The following AKAP6 variants were observed in gnomAD, a reference collection of about 807,000 sequenced individuals.
AKAP6 encodes A-kinase anchor protein 6.
Under a neutral mutation model 188.5 loss-of-function variants are expected in AKAP6, and 58 were observed. The observed-to-expected ratio is 0.31, with a 90% CI of 0.25 to 0.38. AKAP6 has a LOEUF of 0.38. Ranked by LOEUF, AKAP6 falls within the 10% of genes least tolerant of loss-of-function variation. AKAP6 has a pLI of 1.00. For synonymous variants in AKAP6, 989 were observed against 998.6 expected (o/e 0.99, Z 0.18); for missense variants, 2,710 against 2,740.0 (o/e 0.99, Z 0.24).
At chr14:32,812,227 G>T (rs1369353265) in intron 12 of AKAP6, among the ~76,000 whole-genome samples, 1 of 152,158 alleles carries the variant, frequency 6.6e-6, no homozygotes, top group Non-Finnish European at 1.5e-5. Context: ...TTACCATGTG[G>T]TAGAATGAAG....
chr14:32,820,113 C>T (rs1007169299), intron 12 of AKAP6, among the ~76,000 whole-genome samples: 3 of 152,054 alleles, frequency 2.0e-5, no homozygotes, highest in African/African-American at 7.2e-5. Flanking sequence ...GGTTATTAAG[C>T]AGCTTGTCCA....
chr14:32,661,702 A>G (rs1368490468), intron 7 of AKAP6, among the ~76,000 whole-genome samples: 3 of 152,102 alleles, frequency 2.0e-5, no homozygotes, highest in Non-Finnish European at 4.4e-5. Context: ...GGTTAGAGGC[A>G]ATACCTAGGA....
chr14:32,789,998 C>T (rs1286344159), intron 12 of AKAP6, among the ~76,000 whole-genome samples: 1 of 152,108 alleles, frequency 6.6e-6, no homozygotes, highest in Admixed American at 6.5e-5. Context: ...GAGCTGAAAG[C>T]CAGAATAGCC....
At chr14:32,621,164 T>G (rs1343370950) in intron 7 of AKAP6, among the ~76,000 whole-genome samples, 1 of 152,082 alleles carries the variant, frequency 6.6e-6, no homozygotes, top group Non-Finnish European at 1.5e-5. Flanking sequence ...TTTTTCTTGT[T>G]TTAATTTTAT....
Position 32,822,955 on chromosome 14 carries a change from G to T in AKAP6, c.5142G>T (p.Ser1714=). 1 of 1,613,868 alleles carries T rather than the reference G, an allele frequency of 6.2e-7. No individual in the cohort carries two copies. Among genetic ancestry groups the T allele is most frequent in the East Asian group, 2.2e-5 (1 of 44,858 alleles). ...TACACAAGAACAAGATCCCGGAATC[G>T]AATGCATCGTTCAGGAAGCGTCTGA... ...IVLHKNKIPE[S]NASFRKRLTR... The change falls in exon 13 of 14, where the codon TCG becomes TCT. Residue 1714 remains serine, a synonymous_variant. Coordinates refer to ENST00000280979, the MANE Select transcript of AKAP6 (RefSeq NM_004274.5).
At chr14:32,614,591 A>C (rs1478646313) in intron 7 of AKAP6, among the ~76,000 whole-genome samples, 2 of 152,198 alleles carry the variant, frequency 1.3e-5, no homozygotes, top group Non-Finnish European at 2.9e-5. Context: ...CAGCAGTATC[A>C]AATAATGTTT....
intron 2 of AKAP6, among the ~76,000 whole-genome samples, chr14:32,507,740 G>C (rs969330442): frequency 1.3e-5 from 2 of 152,202 alleles, no homozygotes; most frequent in African/African-American, 4.8e-5. Flanking sequence ...GAGGAGACAG[G>C]GCTTAAATTG....
At chr14:32,624,367 A>G (rs1886931926) in intron 7 of AKAP6, among the ~76,000 whole-genome samples, 1 of 152,176 alleles carries the variant, frequency 6.6e-6, no homozygotes, top group African/African-American at 2.4e-5. Context: ...ATTAACAGAA[A>G]AGAAATGAAA....
Position 32,822,488 on chromosome 14 carries a change from C to G in AKAP6, c.4675C>G (p.Leu1559Val). 6.2e-7 allele frequency: 1 copy of G among 1,614,032 alleles called. No individual in the cohort carries two copies. The highest frequency in any genetic ancestry group is 8.5e-7 in the Non-Finnish European group (1 of 1,179,954). ...TFTGMQNAKQ[L>V]SLLSHSSSIE... ...CACTGGCATGCAGAATGCCAAACAGCTCTCCCTTTTATCTCATAGTTCATC... is the reference window on the plus strand; with the variant it reads ...CACTGGCATGCAGAATGCCAAACAGGTCTCCCTTTTATCTCATAGTTCATC... The change falls in exon 13 of 14, where the codon CTC (leucine) becomes GTC (valine). Residue 1559 changes from leucine to valine, a missense_variant. Physicochemically the swap from Leu to Val is conservative, Grantham distance 32. Transcript: ENST00000280979.
intron 7 of AKAP6, among the ~76,000 whole-genome samples, chr14:32,620,695 G>A (rs1264812141): frequency 6.6e-6 from 1 of 151,980 alleles, no homozygotes; most frequent in Non-Finnish European, 1.5e-5. Flanking sequence ...AGTTAGAGAG[G>A]ATTCCTTCTT....
chr14:32,648,522 A>T (rs1000808021), intron 7 of AKAP6, among the ~76,000 whole-genome samples: 1 of 152,130 alleles, frequency 6.6e-6, no homozygotes, highest in Non-Finnish European at 1.5e-5. Flanking sequence ...TCTGATGTTT[A>T]GTGAAAATGG....
intron 2 of AKAP6, among the ~76,000 whole-genome samples, chr14:32,439,338 T>C (rs552424558): frequency 7.9e-4 from 120 of 152,252 alleles, no homozygotes; most frequent in Middle Eastern, 3.4e-3. Context: ...ATAATGGGGC[T>C]CCTAGGAGAG....
rs1251693385 is a variant in AKAP6 at position 32,822,989 on chromosome 14, G to C, written c.5176G>C (p.Val1726Leu). ...GTTCAGGAAGCGTCTGACTCGTTCA[G>C]TGGCTGATGAAAGCGATGTCAATGT... ...ASFRKRLTRSVADESDVNVSM... is the reference protein window; with the variant it reads ...ASFRKRLTRSLADESDVNVSM... Residue 1726 changes from valine to leucine, a missense_variant, in exon 13 of 14, where the codon GTG becomes CTG. Around this residue, in one of 2 missense-constraint regions of AKAP6, gnomAD observed 2,473 missense variants for 2,426.1 expected, o/e 1.02. Transcript: ENST00000280979. The C allele has an allele frequency of 6.2e-7, 1 of 1,613,918 alleles. No homozygotes were observed. Among genetic ancestry groups the C allele is most frequent in the South Asian group, 1.1e-5 (1 of 91,088 alleles).
At chr14:32,580,144 C>A (rs952933063) in intron 5 of AKAP6, among the ~76,000 whole-genome samples, 2 of 152,072 alleles carry the variant, frequency 1.3e-5, no homozygotes, top group Non-Finnish European at 2.9e-5. Flanking sequence ...TTCACCAACA[C>A]AAATCAATTA....
intron 11 of AKAP6, among the ~76,000 whole-genome samples, chr14:32,748,848 A>G (rs2032015273): frequency 6.6e-6 from 1 of 151,994 alleles, no homozygotes; most frequent in South Asian, 2.1e-4. Flanking sequence ...CTTCGAGTCC[A>G]TTTTCTACTC....
In AKAP6 at chr14:32,822,351, A is replaced by C; in HGVS notation, c.4538A>C (p.His1513Pro). The change falls in exon 13 of 14, where the codon CAT becomes CCT. Residue 1513 changes from histidine to proline, a missense_variant. This residue lies in a region of AKAP6 where 2,473 missense variants were observed against 2,426.1 expected (regional missense o/e 1.02). Coordinates refer to ENST00000280979, the MANE Select transcript of AKAP6 (RefSeq NM_004274.5). ...GATAAAAAATCATGCAAATCTAAAC[A>C]TCAGACTACAGAGTTACAACCAGAT... ...YFDKKSCKSKHQTTELQPDVP... is the reference protein window; with the variant it reads ...YFDKKSCKSKPQTTELQPDVP... The C allele has an allele frequency of 6.2e-7, 1 of 1,614,002 alleles. No homozygotes were observed. Among genetic ancestry groups the C allele is most frequent in the Admixed American group, 1.7e-5 (1 of 59,962 alleles).
chr14:32,582,774 A>T (rs1477589054), intron 5 of AKAP6, among the ~76,000 whole-genome samples: 2 of 152,100 alleles, frequency 1.3e-5, no homozygotes, highest in Non-Finnish European at 2.9e-5. Context: ...CTTCCAGTTG[A>T]TCGCATCAGC....
chr14:32,367,768 G>A (rs1032023230), intron 1 of AKAP6, among the ~76,000 whole-genome samples: 2 of 152,050 alleles, frequency 1.3e-5, no homozygotes, highest in Non-Finnish European at 2.9e-5. Context: ...TATGCACTGG[G>A]GCCTTTTTTG....
At chr14:32,371,088 A>G (rs17098918) in intron 1 of AKAP6, among the ~76,000 whole-genome samples, 2,620 of 145,380 alleles carry the variant, frequency 0.018, 69 homozygotes, top group African/African-American at 0.06. Flanking sequence ...CTTCAGAAAC[A>G]GGAAAAGTAA....
Sources: allele counts gnomAD v4.1 joint callset (sites outside exome capture counted in the v4.1 genomes callset), GRCh38; gene constraint gnomAD v4.1.1; regional missense constraint gnomAD v4.1.1; transcripts MANE v1.5; gene names NCBI Gene and HGNC (gene_info 2026-07-23, HGNC 2026-07-21).